SLC24A3: variants seen among roughly 807,000 people sequenced by gnomAD.
SLC24A3 encodes sodium/potassium/calcium exchanger 3.
SLC24A3 carries 28 observed loss-of-function variants against 75.8 expected under a neutral mutation model. The ratio of observed to expected loss-of-function variants is 0.37; its 90% CI spans 0.27 to 0.51. The LOEUF (loss-of-function observed/expected upper bound fraction) is 0.51, where lower values mean the gene tolerates loss of function less well. Among genes scored for constraint, SLC24A3 ranks in the 20% least tolerant of loss-of-function variants. The pLI is 0.94. For synonymous variants in SLC24A3, 372 were observed against 334.1 expected (o/e 1.11, Z -1.24); for missense variants, 663 against 847.8 (o/e 0.78, Z 2.71).
chr20:19,669,226 T>C (rs995275361), intron 8 of SLC24A3, among the ~76,000 whole-genome samples: 1 of 152,086 alleles, frequency 6.6e-6, no homozygotes, highest in African/African-American at 2.4e-5. Context: ...CATCGGCAGG[T>C]CATGGTGGCT....
Position 19,546,385 on chromosome 20 carries a change from G to T in SLC24A3, c.348+30821G>T, listed in dbSNP as rs377646134. Among the ~76,000 whole-genome samples, 10 of 152,132 alleles carry T rather than the reference G, an allele frequency of 6.6e-5. 2 individuals are homozygous for T. ...AACTAGGCCACATTCCTGTGACACC[G>T]AAATCCTTTCCTTCCTTCTCCCATC... On this transcript the variant is annotated intron_variant, in intron 3 of 16. Coordinates refer to ENST00000328041, the MANE Select transcript of SLC24A3 (RefSeq NM_020689.4).
At chr20:19,454,693 G>T (rs532840929) in intron 2 of SLC24A3, among the ~76,000 whole-genome samples, 1 of 152,290 alleles carries the variant, frequency 6.6e-6, no homozygotes, top group Non-Finnish European at 1.5e-5. Flanking sequence ...GGTTGTAGGG[G>T]TAACCACAAA....
intron 2 of SLC24A3, among the ~76,000 whole-genome samples, chr20:19,283,535 G>C (rs73899696): frequency 0.025 from 3,774 of 152,276 alleles, 162 homozygotes; most frequent in African/African-American, 0.087. Flanking sequence ...ATTGGACAGG[G>C]TGGTCAGAAC....
At chr20:19,717,214 C>G (rs1054186679) in intron 15 of SLC24A3, among the ~76,000 whole-genome samples, 2 of 152,190 alleles carry the variant, frequency 1.3e-5, no homozygotes, top group African/African-American at 4.8e-5. Flanking sequence ...TGTTGTGGGC[C>G]ACAAGAATCT....
chr20:19,679,503 G>GAGAGGGAGACCGTGGGA (rs2032582022), intron 9 of SLC24A3, among the ~76,000 whole-genome samples: 1 of 151,148 alleles, frequency 6.6e-6, no homozygotes, highest in Non-Finnish European at 1.5e-5. Context: ...GAAAGAGACG[G>GAGAGGGAGACCGTGGGA]AGAGGGAGAC....
chr20:19,602,716 G>A (rs2031542777), intron 6 of SLC24A3, among the ~76,000 whole-genome samples: 2 of 152,174 alleles, frequency 1.3e-5, no homozygotes, highest in South Asian at 4.1e-4. Context: ...ACATCTAAAG[G>A]AGTCTCTCAT....
chr20:19,351,412 A>C (rs1985562138), intron 2 of SLC24A3, among the ~76,000 whole-genome samples: 1 of 152,160 alleles, frequency 6.6e-6, no homozygotes, highest in Non-Finnish European at 1.5e-5. Context: ...TGTGTGATGA[A>C]ACAAGAGCTC....
intron 4 of SLC24A3, among the ~76,000 whole-genome samples, chr20:19,580,963 A>G (rs539121564): frequency 4.1e-4 from 63 of 152,248 alleles, no homozygotes; most frequent in African/African-American, 1.4e-3. Flanking sequence ...TGCATTTCTA[A>G]TACGTTTTTC....
At chr20:19,310,593 G>A (rs1288660874) in intron 2 of SLC24A3, among the ~76,000 whole-genome samples, 1 of 152,198 alleles carries the variant, frequency 6.6e-6, no homozygotes. Context: ...GGCTACCTGG[G>A]AAGGAAACTT....
intron 2 of SLC24A3, among the ~76,000 whole-genome samples, chr20:19,505,162 C>G (rs778922649): frequency 6.6e-6 from 1 of 152,134 alleles, no homozygotes; most frequent in Non-Finnish European, 1.5e-5. Flanking sequence ...TGTTTAAAAT[C>G]TTCTGCCAAT....
chr20:19,500,294 C>T (rs1363754357), intron 2 of SLC24A3, among the ~76,000 whole-genome samples: 6 of 152,148 alleles, frequency 3.9e-5, no homozygotes, highest in East Asian at 1.9e-4. Context: ...GATACTCGGC[C>T]GCCACCTCGG....
intron 2 of SLC24A3, among the ~76,000 whole-genome samples, chr20:19,408,792 G>A (rs1986696544): frequency 6.6e-6 from 1 of 152,144 alleles, no homozygotes; most frequent in Non-Finnish European, 1.5e-5. Flanking sequence ...TGGTCAAAGG[G>A]TTATGGACAA....
chr20:19,459,978 C>T (rs534055525), intron 2 of SLC24A3, among the ~76,000 whole-genome samples: 56 of 152,290 alleles, frequency 3.7e-4, no homozygotes, highest in African/African-American at 1.3e-3. Context: ...AAACCCAAGG[C>T]CCTGCATTTC....
intron 2 of SLC24A3, among the ~76,000 whole-genome samples, chr20:19,311,406 A>G (rs1984454718): frequency 6.6e-6 from 1 of 152,170 alleles, no homozygotes; most frequent in Admixed American, 6.5e-5. Context: ...TGGTCCAGGC[A>G]TTCTGCTAAT....
intron 9 of SLC24A3, among the ~76,000 whole-genome samples, chr20:19,675,445 A>G (rs1028065586): frequency 6.6e-6 from 1 of 152,258 alleles, no homozygotes; most frequent in Admixed American, 6.5e-5. Flanking sequence ...GAGAGAAATC[A>G]ACACGGACAT....
At chr20:19,553,391 A>T (rs2030732855) in intron 3 of SLC24A3, among the ~76,000 whole-genome samples, 1 of 152,158 alleles carries the variant, frequency 6.6e-6, no homozygotes, top group Non-Finnish European at 1.5e-5. Context: ...CATCACAAGG[A>T]AGTAAGGTGA....
At chr20:19,523,589 T>A (rs1358824165) in intron 3 of SLC24A3, among the ~76,000 whole-genome samples, 1 of 152,248 alleles carries the variant, frequency 6.6e-6, no homozygotes, top group African/African-American at 2.4e-5. Context: ...TGGGTTGATA[T>A]CCTAGGACCT....
At chr20:19,229,033 T>A (rs1417932176) in intron 1 of SLC24A3, among the ~76,000 whole-genome samples, 1 of 152,222 alleles carries the variant, frequency 6.6e-6, no homozygotes, top group Non-Finnish European at 1.5e-5. Context: ...TGCCTTACAG[T>A]CTTCTATGAA....
intron 2 of SLC24A3, among the ~76,000 whole-genome samples, chr20:19,370,552 A>G (rs1985974827): frequency 6.6e-6 from 1 of 152,248 alleles, no homozygotes; most frequent in Non-Finnish European, 1.5e-5. Flanking sequence ...GGATTGGAGT[A>G]TCCATTTAAT....
Sources: allele counts gnomAD v4.1 joint callset (sites outside exome capture counted in the v4.1 genomes callset), GRCh38; gene constraint gnomAD v4.1.1; transcripts MANE v1.5; gene names NCBI Gene and HGNC (gene_info 2026-07-23, HGNC 2026-07-21).